The following SEL1L variants were observed in gnomAD, a reference collection of about 807,000 sequenced individuals.
The protein encoded by SEL1L is protein sel-1 homolog 1.
Under a neutral mutation model 109.8 loss-of-function variants are expected in SEL1L, and 52 were observed. That is an observed-to-expected ratio of 0.47 (90% CI 0.38 to 0.60). The LOEUF (loss-of-function observed/expected upper bound fraction) is 0.60, where lower values mean the gene tolerates loss of function less well. Among genes scored for constraint, SEL1L ranks in the 20% least tolerant of loss-of-function variants. The pLI is 0.00. For synonymous variants in SEL1L, 373 were observed against 339.6 expected (o/e 1.10, Z -1.08); for missense variants, 749 against 962.2 (o/e 0.78, Z 2.93).
rs1324013282 is a variant in SEL1L at position 81,492,519 on chromosome 14, T to G, written c.1215A>C (p.Ala405=). The G allele has an allele frequency of 1.2e-6, 2 of 1,612,758 alleles. No homozygotes were observed. The highest frequency in any genetic ancestry group is 1.7e-6 in the Non-Finnish European group (2 of 1,179,328). ...QRAFDYFNLA[A]NAGNSHAMAF... ...CCATGGCATGTGAATTGCCAGCATT[T>G]GCTGCTAAATTGAAGTAGTCAAATG... The change falls in exon 12 of 21, where the codon GCA becomes GCC. Residue 405 remains alanine, a synonymous_variant. Coordinates refer to ENST00000336735, the MANE Select transcript of SEL1L (RefSeq NM_005065.6).
chr14:81,531,650 G>T (rs2140069306), intron 1 of SEL1L, among the ~76,000 whole-genome samples: 1 of 152,054 alleles, frequency 6.6e-6, no homozygotes, highest in South Asian at 2.1e-4. Context: ...ACCTCCTGGG[G>T]CTCACTCCAT....
In SEL1L at chr14:81,522,719, G is replaced by T. The variant is rs142520993; in HGVS notation, c.340+4014C>A. ...ACTGGGTCCAGGACCTGGCCTGGTG[G>T]TACCAAAATCCATGAGTGCTCAAGT... On this transcript the variant is annotated intron_variant, in intron 3 of 20. Transcript: ENST00000336735. Among the ~76,000 whole-genome samples, 123 of 152,290 alleles carry T rather than the reference G, an allele frequency of 8.1e-4. 1 individual carries two copies. Among genetic ancestry groups the T allele is most frequent in the African/African-American group, 2.9e-3 (119 of 41,576 alleles).
chr14:81,495,909 C>T (rs1196251560), intron 10 of SEL1L, among the ~76,000 whole-genome samples: 1 of 152,076 alleles, frequency 6.6e-6, no homozygotes, highest in Non-Finnish European at 1.5e-5. Context: ...GCACTCCATC[C>T]TGGGTGACAG....
chr14:81,498,495 C>T lies in SEL1L; in HGVS notation c.892-1G>A. ...CGATGCCAGCCCAGTATCTGTAACC[C>T]TGTAAAACAACTTCACGTGAGGAGG... On this transcript the variant is annotated splice_acceptor_variant, in intron 8 of 20. Coordinates refer to ENST00000336735, the MANE Select transcript of SEL1L (RefSeq NM_005065.6). LOFTEE classifies it high-confidence loss of function. 6.2e-7 allele frequency: 1 copy of T among 1,612,890 alleles called. No homozygotes were observed. The highest frequency in any genetic ancestry group is 8.5e-7 in the Non-Finnish European group (1 of 1,179,310).
chr14:81,480,598 A>C (rs143407562), intron 19 of SEL1L, among the ~76,000 whole-genome samples: 57 of 152,258 alleles, frequency 3.7e-4, no homozygotes, highest in African/African-American at 1.3e-3. Context: ...GCCTGCCTGT[A>C]GTCCCAGCTA....
intron 8 of SEL1L, chr14:81,499,112 A>G: frequency 4.0e-6 from 4 of 989,882 alleles, no homozygotes; most frequent in Non-Finnish European, 4.8e-6. Context: ...CAAAATTTTG[A>G]AAAACTAAAG....
At position 81,484,263 on chromosome 14, in the gene SEL1L, G is replaced by A; in HGVS notation, c.2008C>T (p.Leu670=). ...AGTCCTTTCTCATGCATATATCCCA[G>A]ATTAAACATAGCTTGTGCACTGTGT... is the stretch of plus-strand genomic sequence containing the variant. The part of the protein sequence containing the change: ...QQHSAQAMFN[L]GYMHEKGLGI... Residue 670 remains leucine (L), a synonymous_variant, in exon 19 of 21, where the codon CTG becomes TTG. Transcript: ENST00000336735. 1 of 1,613,922 alleles carries A rather than the reference G, an allele frequency of 6.2e-7. No homozygotes were observed. The highest frequency in any genetic ancestry group is 8.5e-7 in the Non-Finnish European group (1 of 1,179,848).
chr14:81,502,512 C>A (rs1045322719), intron 6 of SEL1L, among the ~76,000 whole-genome samples: 3 of 152,156 alleles, frequency 2.0e-5, no homozygotes, highest in Non-Finnish European at 4.4e-5. Context: ...TGTAGCAAGG[C>A]ACAACTGCAA....
chr14:81,472,954 A>G lies in SEL1L; in HGVS notation c.*4018T>C, dbSNP rs41301459. On this transcript the variant is annotated 3_prime_UTR_variant, in exon 21 of 21. Coordinates refer to ENST00000336735, the MANE Select transcript of SEL1L (RefSeq NM_005065.6). ...GTGGAATCTTTATTTCACAAGTTTCAAGATACAGTACAAAACGATTCTGTA... is the reference window on the plus strand; with the variant it reads ...GTGGAATCTTTATTTCACAAGTTTCGAGATACAGTACAAAACGATTCTGTA... 53 of 173,566 alleles carry G rather than the reference A, an allele frequency of 3.1e-4. No individual in the cohort carries two copies. Among genetic ancestry groups the G allele is most frequent in the Middle Eastern group, 2.8e-3 (1 of 360 alleles). The allele number at this position is 173,566 out of a possible 1,614,324, so 10.8% of individuals were successfully genotyped here. A position where few individuals can be genotyped will look rare whatever the true frequency, so the allele number is the denominator to read the frequency against.
intron 13 of SEL1L, among the ~76,000 whole-genome samples, chr14:81,489,930 T>C (rs956969708): frequency 1.3e-5 from 2 of 152,192 alleles, no homozygotes; most frequent in Admixed American, 1.3e-4. Context: ...GGAACTACAG[T>C]AACATGTATA....
In SEL1L at chr14:81,478,414, C is replaced by A. The variant is rs115137978; in HGVS notation, c.2175+1198G>T. ...GGGCGTTTTTACTGTCTTCTTTATA[C>A]TTCTGTATTAAAAAAAACAGCAAAG... On this transcript the variant is annotated intron_variant, in intron 20 of 20. Coordinates refer to ENST00000336735, the MANE Select transcript of SEL1L (RefSeq NM_005065.6). 5.1e-3 allele frequency among the ~76,000 whole-genome samples: 770 copies of A among 151,968 alleles called. 1 individual carries two copies. The highest frequency in any genetic ancestry group is 0.018 in the African/African-American group (733 of 41,420).
Position 81,496,309 on chromosome 14 carries a change from G to A in SEL1L, c.1129-1172C>T, listed in dbSNP as rs1462322524. Reference sequence around the variant, plus strand: ...ACTGCACTCCAGCCTGGGCGAGAGCGAGACTCCGTCTCAAAAAACAAAAAC... The same window carrying A: ...ACTGCACTCCAGCCTGGGCGAGAGCAAGACTCCGTCTCAAAAAACAAAAAC... On this transcript the variant is annotated intron_variant, in intron 10 of 20. Transcript: ENST00000336735. Among the ~76,000 whole-genome samples, 10 of 151,762 alleles carry A rather than the reference G, an allele frequency of 6.6e-5. No homozygotes were observed. In the East Asian group the frequency reaches 1.4e-3, roughly 21 times the overall value.
chr14:81,496,354 A>T (rs1401886221), intron 10 of SEL1L, among the ~76,000 whole-genome samples: 1 of 152,048 alleles, frequency 6.6e-6, no homozygotes, highest in African/African-American at 2.4e-5. Context: ...AAAAAAACTG[A>T]ATTTGTCCCC....
intron 7 of SEL1L, 27 bp from the exon 8 acceptor site, chr14:81,499,545 T>G (rs1883914634): frequency 2.5e-6 from 4 of 1,608,416 alleles, no homozygotes; most frequent in Non-Finnish European, 3.4e-6. Flanking sequence ...CATGTTTAAC[T>G]GAACATAGGC....
Position 81,516,387 on chromosome 14 carries a change from T to C in SEL1L, c.341-10146A>G, listed in dbSNP as rs571961586. Among the ~76,000 whole-genome samples the C allele has an allele frequency of 5.9e-5, 9 of 152,310 alleles. No individual in the cohort carries two copies. In the East Asian group the frequency reaches 1.4e-3, roughly 23 times the overall value. ...ATTTCTCCCACCTCCTCAGTTGTAATTGGGAGACTTTGCTCTTTTCACATG... is the reference window on the plus strand; with the variant it reads ...ATTTCTCCCACCTCCTCAGTTGTAACTGGGAGACTTTGCTCTTTTCACATG... On this transcript the variant is annotated intron_variant, in intron 3 of 20. Coordinates refer to ENST00000336735, the MANE Select transcript of SEL1L (RefSeq NM_005065.6).
chr14:81,495,682 A>C (rs899926997), intron 10 of SEL1L, among the ~76,000 whole-genome samples: 2 of 152,146 alleles, frequency 1.3e-5, no homozygotes, highest in Non-Finnish European at 2.9e-5. Context: ...CATGCCTGTA[A>C]TCCCAGCACT....
At chr14:81,480,191 CTTTTT>C (rs1339216548) in intron 19 of SEL1L, among the ~76,000 whole-genome samples, 1 of 151,836 alleles carries the variant, frequency 6.6e-6, no homozygotes, top group Admixed American at 6.6e-5. Flanking sequence ...GTGGCTCATT[CTTTTT>C]TATTTTTTTT....
rs532311514 is a variant in SEL1L at position 81,498,266 on chromosome 14, G to A, written c.973+147C>T. On this transcript the variant is annotated intron_variant, in intron 9 of 20. Coordinates refer to ENST00000336735, the MANE Select transcript of SEL1L (RefSeq NM_005065.6). ...AAAGCAAAATTATATAAAGAAAAAA[G>A]TACTTCTGAACCTCAACTAGTTTAA... 272 of 824,484 alleles carry A rather than the reference G, an allele frequency of 3.3e-4. 2 individuals carry two copies. The South Asian group carries it at 5.1e-3, about 15-fold the overall frequency. The allele number at this position is 824,484 out of a possible 1,614,324, so 51.1% of individuals were successfully genotyped here.
intron 20 of SEL1L, 122 bp from the exon 21 acceptor site, chr14:81,477,303 A>G (rs1044815481): frequency 3.8e-4 from 204 of 541,348 alleles, no homozygotes; most frequent in African/African-American, 8.3e-4. Context: ...ACGTTTTGCA[A>G]TGTGTGTGTG....
Sources: allele counts gnomAD v4.1 joint callset (sites outside exome capture counted in the v4.1 genomes callset), GRCh38; gene constraint gnomAD v4.1.1; transcripts MANE v1.5; gene names NCBI Gene and HGNC (gene_info 2026-07-23, HGNC 2026-07-21).